The following NEGR1 variants were observed in gnomAD, a reference collection of about 807,000 sequenced individuals.
NEGR1 encodes the protein neuronal growth regulator 1.
Under a neutral mutation model 40.9 loss-of-function variants are expected in NEGR1, and 10 were observed. The observed-to-expected ratio is 0.24, with a 90% CI of 0.15 to 0.42. NEGR1 has a LOEUF of 0.42. Ranked by LOEUF, NEGR1 falls within the 10% of genes least tolerant of loss-of-function variation. The probability of loss-of-function intolerance (pLI) is 1.00; values close to 1 mark genes in which losing one functional copy is unlikely to be tolerated. For synonymous variants in NEGR1, 185 were observed against 166.8 expected (o/e 1.11, Z -0.84); for missense variants, 352 against 438.9 (o/e 0.80, Z 1.77).
intron 4 of NEGR1, among the ~76,000 whole-genome samples, chr1:71,615,915 A>G (rs1650432408): frequency 6.6e-6 from 1 of 152,228 alleles, no homozygotes; most frequent in African/African-American, 2.4e-5. Flanking sequence ...AAAAGGCAGA[A>G]GCTGAGGATA....
chr1:72,211,162 A>T (rs991053210), intron 1 of NEGR1, among the ~76,000 whole-genome samples: 1 of 151,782 alleles, frequency 6.6e-6, no homozygotes, highest in African/African-American at 2.4e-5. Context: ...GATTCTAATC[A>T]GTCTCTTGCT....
At chr1:71,730,073 C>G (rs1158711743) in intron 3 of NEGR1, among the ~76,000 whole-genome samples, 1 of 151,920 alleles carries the variant, frequency 6.6e-6, no homozygotes, top group Non-Finnish European at 1.5e-5. Flanking sequence ...AATTTGGTGA[C>G]AGATACAAAT....
At chr1:71,907,873 C>A (rs1266151353) in intron 2 of NEGR1, among the ~76,000 whole-genome samples, 1 of 152,084 alleles carries the variant, frequency 6.6e-6, no homozygotes, top group African/African-American at 2.4e-5. Flanking sequence ...CAGCTGGAGG[C>A]CATTGTCCTA....
chr1:71,771,265 A>AG (rs1450021128), intron 3 of NEGR1, among the ~76,000 whole-genome samples: 1 of 152,108 alleles, frequency 6.6e-6, no homozygotes, highest in Admixed American at 6.5e-5. Flanking sequence ...ACATGGACAC[A>AG]GGGAGGGGAG....
At chr1:71,478,408 A>T (rs1276493214) in intron 6 of NEGR1, among the ~76,000 whole-genome samples, 2 of 152,050 alleles carry the variant, frequency 1.3e-5, no homozygotes, top group East Asian at 3.9e-4. Flanking sequence ...GAATACACTG[A>T]CACTCTCCAC....
chr1:72,052,066 A>C (rs1647066972), intron 1 of NEGR1, among the ~76,000 whole-genome samples: 1 of 151,442 alleles, frequency 6.6e-6, no homozygotes, highest in Non-Finnish European at 1.5e-5. Flanking sequence ...TCTCTATTTC[A>C]GATAGAACCC....
At chr1:71,656,931 G>T (rs976024258) in intron 4 of NEGR1, among the ~76,000 whole-genome samples, 2 of 152,120 alleles carry the variant, frequency 1.3e-5, no homozygotes, top group African/African-American at 4.8e-5. Flanking sequence ...CATGGGTTGG[G>T]TGTCCCAAAA....
chr1:71,863,572 A>C (rs982596416), intron 2 of NEGR1, among the ~76,000 whole-genome samples: 3 of 152,198 alleles, frequency 2.0e-5, no homozygotes, highest in African/African-American at 7.2e-5. Context: ...ACAAAACTGC[A>C]TATCCTGAAC....
chr1:71,902,249 A>C (rs1661162652), intron 2 of NEGR1, among the ~76,000 whole-genome samples: 1 of 152,206 alleles, frequency 6.6e-6, no homozygotes, highest in African/African-American at 2.4e-5. Context: ...TAGATGATAA[A>C]ATAAGAGCGC....
At chr1:71,497,189 T>A (rs1248119979) in intron 6 of NEGR1, among the ~76,000 whole-genome samples, 1 of 152,192 alleles carries the variant, frequency 6.6e-6, no homozygotes, top group Non-Finnish European at 1.5e-5. Flanking sequence ...GCTGATCAAT[T>A]GATAGACGTT....
intron 1 of NEGR1, among the ~76,000 whole-genome samples, chr1:71,994,996 GAA>G (rs34098239): frequency 0.11 from 12,556 of 111,432 alleles, 620 homozygotes; most frequent in Middle Eastern, 0.19. Flanking sequence ...AAATTTACAG[GAA>G]AAAAAAAAAA....
intron 4 of NEGR1, among the ~76,000 whole-genome samples, chr1:71,616,265 C>T (rs1029012894): frequency 1.3e-5 from 2 of 152,118 alleles, no homozygotes; most frequent in Non-Finnish European, 2.9e-5. Flanking sequence ...ACAAATGCTC[C>T]CCATCGCTGG....
Position 71,405,840 on chromosome 1 carries a change from T to C in NEGR1, c.*1606A>G, listed in dbSNP as rs185856226. On this transcript the variant is annotated 3_prime_UTR_variant, in exon 7 of 7. Coordinates refer to ENST00000357731, the MANE Select transcript of NEGR1 (RefSeq NM_173808.3). ...GTAAAAGGGGACTATTTGTAGAAAT[T>C]TAGGTGTACTGAAATTGGTAACTTC... 1 of 152,196 alleles carries C rather than the reference T, an allele frequency of 6.6e-6. No individual in the cohort carries two copies. Among genetic ancestry groups the C allele is most frequent in the Admixed American group, 6.6e-5 (1 of 15,196 alleles). 9.4% of individuals were successfully genotyped at this position (152,196 alleles called of 1,614,324 possible). A position where few individuals can be genotyped will look rare whatever the true frequency, so the allele number is the denominator to read the frequency against.
chr1:71,475,366 A>T (rs1646812758), intron 6 of NEGR1, among the ~76,000 whole-genome samples: 1 of 152,114 alleles, frequency 6.6e-6, no homozygotes. Flanking sequence ...TTTGCAAAAT[A>T]TTCAAAGTTT....
At chr1:71,812,983 T>A (rs1481471694) in intron 2 of NEGR1, among the ~76,000 whole-genome samples, 2 of 152,148 alleles carry the variant, frequency 1.3e-5, no homozygotes, top group Admixed American at 1.3e-4. Context: ...TTGCTTTTGA[T>A]GTTTTCATAA....
intron 5 of NEGR1, among the ~76,000 whole-genome samples, chr1:71,607,008 T>C (rs1247506516): frequency 6.6e-6 from 1 of 152,196 alleles, no homozygotes; most frequent in Non-Finnish European, 1.5e-5. Context: ...AAATGAATAT[T>C]TATAAACATT....
At chr1:72,159,306 T>C (rs1330224518) in intron 1 of NEGR1, among the ~76,000 whole-genome samples, 1 of 152,088 alleles carries the variant, frequency 6.6e-6, no homozygotes, top group East Asian at 1.9e-4. Flanking sequence ...CTGTCACCTG[T>C]GAGAAAACAA....
At chr1:71,750,611 T>C (rs1050700752) in intron 3 of NEGR1, among the ~76,000 whole-genome samples, 1 of 152,036 alleles carries the variant, frequency 6.6e-6, no homozygotes, top group African/African-American at 2.4e-5. Flanking sequence ...TCAGCTCTCA[T>C]GAGACATATT....
chr1:71,716,134 G>A (rs1183473051), intron 3 of NEGR1, among the ~76,000 whole-genome samples: 2 of 152,158 alleles, frequency 1.3e-5, no homozygotes, highest in Non-Finnish European at 2.9e-5. Flanking sequence ...GAAAGAATAA[G>A]TGCCAGCAGG....
Sources: gnomAD v4.1 joint callset for allele counts (sites outside exome capture counted in the v4.1 genomes callset) on GRCh38, gnomAD v4.1.1 for gene constraint, MANE v1.5 for transcripts, NCBI Gene and HGNC (gene_info 2026-07-23, HGNC 2026-07-21) for gene names.